Variants in LCN10 observed in about 807,000 individuals in gnomAD.
LCN10 encodes the protein epididymal-specific lipocalin-10.
A neutral mutation model predicts 25.1 loss-of-function variants in LCN10; 18 were observed. That is an observed-to-expected ratio of 0.72 (90% confidence interval 0.50 to 1.06). The LOEUF is 1.06. LCN10 is among the 50% of genes least tolerant of loss of function. LCN10 has a pLI of 0.00. For synonymous variants in LCN10, 130 were observed against 116.7 expected (o/e 1.11, Z -0.73); for missense variants, 257 against 258.9 (o/e 0.99, Z 0.05).
At chr9:136,741,796 C>A in intron 2 of LCN10, 85 bp downstream of exon 2, 2 of 1,479,182 alleles carry the variant, frequency 1.4e-6, no homozygotes, top group Non-Finnish European at 1.8e-6. Context: ...GACAGACAGG[C>A]TCCTCCCAGA....
At chr9:136,741,575 T>C in intron 2 of LCN10, 1 of 605,220 alleles carries the variant, frequency 1.7e-6, no homozygotes, top group Non-Finnish European at 2.9e-6. Context: ...GACTGGGGCC[T>C]GTCCCACGGC....
chr9:136,741,866 G>A lies in LCN10; in HGVS notation c.257+15C>T. 6.3e-7 allele frequency: 1 copy of A among 1,594,554 alleles called. No individual in the cohort carries two copies. Among genetic ancestry groups the A allele is most frequent in the Non-Finnish European group, 8.5e-7 (1 of 1,171,728 alleles). ...GGAAGGGGAGACCCTTGCCTGGGGG[G>A]CGCTGCCCACTCACCGTCTGAAGGC... On this transcript the variant is annotated intron_variant, in intron 2 of 5. Coordinates refer to ENST00000497771, the MANE Select transcript of LCN10 (RefSeq NM_001001712.3).
rs1411793577 is a variant in LCN10, at chr9:136,739,886, A to G, written c.574+64T>C. 4.0e-6 allele frequency: 5 copies of G among 1,261,924 alleles called. No individual in the cohort carries two copies. Among genetic ancestry groups the G allele is most frequent in the Non-Finnish European group, 5.7e-6 (5 of 882,264 alleles). The allele number at this position is 1,261,924 out of a possible 1,614,324, so 78.2% of individuals were successfully genotyped here. A position where few individuals can be genotyped will look rare whatever the true frequency, so the allele number is the denominator to read the frequency against. ...CTTTCATCTCTCCTTCCCCCAATGA[A>G]TCAGCTCCCCAATGGGACGGGCAGG... On this transcript the variant is annotated intron_variant, in intron 5 of 5. Coordinates refer to ENST00000497771, the MANE Select transcript of LCN10 (RefSeq NM_001001712.3). This position sits in a 1 kb window ranked among gnomAD's most constrained non-coding sequence, Gnocchi z 6.1.
Position 136,741,038 on chromosome 9 carries a change from C to G in LCN10, c.368-95G>C, listed in dbSNP as rs752088314. On this transcript the variant is annotated intron_variant, in intron 3 of 5. Coordinates refer to ENST00000497771, the MANE Select transcript of LCN10 (RefSeq NM_001001712.3). ...CCCTGGTGCCCGAGGCCTCAGAGCCCCCACCCAGGTGCAGGTGTCCAGAGG... is the reference window on the plus strand; with the variant it reads ...CCCTGGTGCCCGAGGCCTCAGAGCCGCCACCCAGGTGCAGGTGTCCAGAGG... 2.3e-5 allele frequency: 27 copies of G among 1,178,160 alleles called. 1 individual carries two copies. In the Middle Eastern group the frequency reaches 1.0e-3, roughly 44 times the overall value. The allele number at this position is 1,178,160 out of a possible 1,614,324, so 73.0% of individuals were successfully genotyped here. A position where few individuals can be genotyped will look rare whatever the true frequency, so the allele number is the denominator to read the frequency against.
rs1846918842 is a variant in LCN10 at position 136,740,939 on chromosome 9, T to C, written c.372A>G (p.Lys124=). ...ACAGCACGTGGAAGGCCTTCACCCC[T>C]TTCACTGAAAGAGATGCCCAGAGAT... ...AGPREGQEGV[K]GVKAFHVLST... The change falls in exon 4 of 6, where the codon AAA becomes AAG. Residue 124 remains lysine, a synonymous_variant. Coordinates refer to ENST00000497771, the MANE Select transcript of LCN10 (RefSeq NM_001001712.3). This position sits in a 1 kb window ranked among gnomAD's most constrained non-coding sequence, Gnocchi z 5.3. 6.2e-7 allele frequency: 1 copy of C among 1,613,006 alleles called. No individual in the cohort carries two copies. Among genetic ancestry groups the C allele is most frequent in the Admixed American group, 1.7e-5 (1 of 59,982 alleles).
chr9:136,742,491 C>T (rs1267962945), intron 1 of LCN10: 2 of 502,742 alleles, frequency 4.0e-6, no homozygotes, highest in Non-Finnish European at 7.1e-6. Context: ...TTGCTCCACA[C>T]CCACTCTGCA....
Position 136,740,150 on chromosome 9 carries a change from C to A in LCN10, c.476-102G>T. The stretch of plus-strand genomic sequence containing the variant: ...ACCCCAGGAGCTGCTGAAATGTCCT[C>A]AGAGCTTAGGCGTGAAGCAGGGGTT... On this transcript the variant is annotated intron_variant, in intron 4 of 5. Coordinates refer to ENST00000497771, the MANE Select transcript of LCN10 (RefSeq NM_001001712.3). The surrounding 1 kb of genome is among the most constrained non-coding windows in gnomAD (Gnocchi z 5.3). 2.4e-6 allele frequency: 2 copies of A among 833,152 alleles called. No individual in the cohort carries two copies. Among genetic ancestry groups the A allele is most frequent in the South Asian group, 1.4e-5 (1 of 69,428 alleles). The allele number at this position is 833,152 out of a possible 1,614,324, so 51.6% of individuals were successfully genotyped here.
rs1332030613 is a variant in LCN10 at position 136,739,527 on chromosome 9, A to G, written c.601T>C (p.Ter201ArgextTer41). The G allele has an allele frequency of 2.5e-6, 4 of 1,600,010 alleles. No homozygotes were observed. Among genetic ancestry groups the G allele is most frequent in the Admixed American group, 3.4e-5 (2 of 58,010 alleles). The change falls in exon 6 of 6, where the codon TGA becomes CGA. Residue 201 changes from the stop codon to arginine (R), a stop_lost. Transcript: ENST00000497771. The surrounding 1 kb of genome is among the most constrained non-coding windows in gnomAD (Gnocchi z 6.1). Reference sequence around the variant, plus strand: ...GGAAGAGCAGAGGACGCTGGCTCTCATGGCAGGATGGTGTGTGTACGGGAC... The same window carrying G: ...GGAAGAGCAGAGGACGCTGGCTCTCGTGGCAGGATGGTGTGTGTACGGGAC... ...DASRTHTILP* is the reference protein window; with the variant it reads ...DASRTHTILPR
Position 136,739,844 on chromosome 9 carries a change from C to A in LCN10, c.574+106G>T, listed in dbSNP as rs1328242023. 1 of 995,446 alleles carries A rather than the reference C, an allele frequency of 1.0e-6. No homozygotes were observed. The highest frequency in any genetic ancestry group is 1.4e-5 in the South Asian group (1 of 72,854). The allele number at this position is 995,446 out of a possible 1,614,324, so 61.7% of individuals were successfully genotyped here. ...ACGTTTGGGCGGATCTTTCAAATGGCACCTTTCAAATGGATCCTTTCATCT... is the reference window on the plus strand; with the variant it reads ...ACGTTTGGGCGGATCTTTCAAATGGAACCTTTCAAATGGATCCTTTCATCT... On this transcript the variant is annotated intron_variant, in intron 5 of 5. Coordinates refer to ENST00000497771, the MANE Select transcript of LCN10 (RefSeq NM_001001712.3). This position sits in a 1 kb window ranked among gnomAD's most constrained non-coding sequence, Gnocchi z 6.1.
At chr9:136,741,840 T>A (rs746767665) in intron 2 of LCN10, 41 bp downstream of exon 2, 17 of 1,566,706 alleles carry the variant, frequency 1.1e-5, no homozygotes. Flanking sequence ...TCCCTCCTCC[T>A]GGAAGGGGAG....
chr9:136,739,370 A>G lies in LCN10; in HGVS notation c.*155T>C. 1.3e-6 allele frequency: 1 copy of G among 743,418 alleles called. No individual in the cohort carries two copies. The highest frequency in any genetic ancestry group is 2.3e-6 in the Non-Finnish European group (1 of 441,158). The allele number at this position is 743,418 out of a possible 1,614,324, so 46.1% of individuals were successfully genotyped here. On this transcript the variant is annotated 3_prime_UTR_variant, in exon 6 of 6. Transcript: ENST00000497771. The surrounding 1 kb of genome is among the most constrained non-coding windows in gnomAD (Gnocchi z 6.1). ...TTCCCCCATCTTTCTGTGATCATAA[A>G]GGATCCCTTGAGCCACTTGATTTTC...
chr9:136,741,952 C>T lies in LCN10; in HGVS notation c.186G>A (p.Lys62=). The change falls in exon 2 of 6, where the codon AAG becomes AAA. Residue 62 remains lysine (K), a synonymous_variant. Transcript: ENST00000497771. ...TTACCACGGACGCCCCCAGCTTCCT[C>T]TTGTCCCTGGCCGGCAAGAATCCCT... The part of the protein sequence containing the change: ...DAQGFLPARD[K]RKLGASVVKV... 1 of 1,612,248 alleles carries T rather than the reference C, an allele frequency of 6.2e-7. No individual in the cohort carries two copies. Among genetic ancestry groups the T allele is most frequent in the Non-Finnish European group, 8.5e-7 (1 of 1,179,406 alleles).
chr9:136,741,712 G>A lies in LCN10; in HGVS notation c.257+169C>T, dbSNP rs1163385113. ...TCCTCCCAACACCCACCCATGTGGG[G>A]TCCCAGGGGCTGCAGGTGGCTTCCT... On this transcript the variant is annotated intron_variant, in intron 2 of 5. Coordinates refer to ENST00000497771, the MANE Select transcript of LCN10 (RefSeq NM_001001712.3). 1.2e-5 allele frequency: 11 copies of A among 942,226 alleles called. No homozygotes were observed. In the East Asian group the frequency reaches 2.1e-4, roughly 18 times the overall value. The allele number at this position is 942,226 out of a possible 1,614,324, so 58.4% of individuals were successfully genotyped here.
At chr9:136,742,750 C>G (rs780437925) in intron 1 of LCN10, 37 bp downstream of exon 1, 1 of 1,609,282 alleles carries the variant, frequency 6.2e-7, no homozygotes, top group South Asian at 1.1e-5. Flanking sequence ...GCTCCAGAGC[C>G]GGCGCCCGGC....
At position 136,739,784 on chromosome 9, in the gene LCN10, G is replaced by A. The variant is rs1399089476; in HGVS notation, c.574+166C>T. On this transcript the variant is annotated intron_variant, in intron 5 of 5. Transcript: ENST00000497771. The surrounding 1 kb of genome is among the most constrained non-coding windows in gnomAD (Gnocchi z 6.1). The stretch of plus-strand genomic sequence containing the variant: ...GTCGGTGCCAGGCCTGCCAGGCCAA[G>A]CCCCGATTCTCAGGGGCGGCAGGAG... The A allele has an allele frequency of 3.9e-6, 3 of 776,388 alleles. No homozygotes were observed. The highest frequency in any genetic ancestry group is 1.6e-5 in the South Asian group (1 of 62,192). 48.1% of individuals were successfully genotyped at this position (776,388 alleles called of 1,614,324 possible). A position where few individuals can be genotyped will look rare whatever the true frequency, so the allele number is the denominator to read the frequency against.
At position 136,741,352 on chromosome 9, in the gene LCN10, C is replaced by G. The variant is rs373743384; in HGVS notation, c.267G>C (p.Gly89=). 3.7e-6 allele frequency: 6 copies of G among 1,611,638 alleles called. No individual in the cohort carries two copies. The highest frequency in any genetic ancestry group is 5.1e-6 in the Non-Finnish European group (6 of 1,179,496). Residue 89 remains glycine (G), a synonymous_variant, in exon 3 of 6, where the codon GGG becomes GGC. Transcript: ENST00000497771. ...RVLLAFRRLK[G]CQSQEVILRK... ...TCAGGATCACCTCCTGGGACTGGCACCCCTTCAACCTGGGGCCAAGGCGGG... is the reference window on the plus strand; with the variant it reads ...TCAGGATCACCTCCTGGGACTGGCAGCCCTTCAACCTGGGGCCAAGGCGGG...
Position 136,741,288 on chromosome 9 carries a change from C to T in LCN10, c.331G>A (p.Ala111Thr). 1 of 1,613,580 alleles carries T rather than the reference C, an allele frequency of 6.2e-7. No individual in the cohort carries two copies. The highest frequency in any genetic ancestry group is 2.2e-5 in the East Asian group (1 of 44,884). Residue 111 changes from alanine (A) to threonine (T), a missense_variant, in exon 3 of 6, where the codon GCA becomes ACA. Ala to Thr is a moderately conservative substitution (Grantham distance 58, BLOSUM62 0). Transcript: ENST00000497771. ...CCTTCCCTCGGGCCCGCCGCGTATG[C>T]ACAGGCGTTCCCAAACACCGGCTTC... Reference protein sequence around the residue: ...GKKPVFGNACAYAAGPREGQE... With the variant: ...GKKPVFGNACTYAAGPREGQE...
At chr9:136,741,631 C>T in intron 2 of LCN10, 1 of 617,090 alleles carries the variant, frequency 1.6e-6, no homozygotes, top group Non-Finnish European at 2.8e-6. Context: ...CCAGGAGCTG[C>T]AAGCGGCTTC....
At chr9:136,741,105 G>A (rs993190119) in intron 3 of LCN10, 147 bp downstream of exon 3, 14 of 982,110 alleles carry the variant, frequency 1.4e-5, no homozygotes, top group Admixed American at 8.4e-5. Context: ...GGGCCAGGCC[G>A]CCCAGCACAT....
Sources: allele counts gnomAD v4.1 joint callset, GRCh38; gene constraint gnomAD v4.1.1; non-coding constraint Gnocchi (gnomAD v3.1); transcripts MANE v1.5; gene names NCBI Gene and HGNC (gene_info 2026-07-23, HGNC 2026-07-21).